The following BLNK variants were observed in gnomAD, a reference collection of about 807,000 sequenced individuals.
BLNK encodes B-cell linker protein.
Under a neutral mutation model 73.5 loss-of-function variants are expected in BLNK, and 29 were observed. The observed-to-expected ratio is 0.39, with a 90% CI of 0.29 to 0.54. BLNK has a LOEUF of 0.54. BLNK is among the 20% of genes least tolerant of loss of function. BLNK has a pLI of 0.61. For missense variants in BLNK, 460 were observed against 562.8 expected (o/e 0.82, Z 1.85); for synonymous variants, 176 against 200.8 (o/e 0.88, Z 1.04).
At chr10:96,268,976 G>A (rs1554914893) in intron 1 of BLNK, among the ~76,000 whole-genome samples, 2 of 152,162 alleles carry the variant, frequency 1.3e-5, no homozygotes, top group East Asian at 1.9e-4. Context: ...TCAGGACAGA[G>A]GACACAAATC....
intron 15 of BLNK, among the ~76,000 whole-genome samples, chr10:96,198,395 T>G (rs1318795766): frequency 3.3e-5 from 5 of 152,178 alleles, no homozygotes; most frequent in Admixed American, 6.5e-5. Context: ...AGAGAAAACT[T>G]AAATCTACGT....
chr10:96,220,963 G>C (rs1053946285), intron 6 of BLNK, among the ~76,000 whole-genome samples: 4 of 152,134 alleles, frequency 2.6e-5, no homozygotes, highest in Non-Finnish European at 5.9e-5. Context: ...CTATTACTTA[G>C]CCGGAGTCAT....
intron 11 of BLNK, among the ~76,000 whole-genome samples, chr10:96,205,465 T>C (rs1452982915): frequency 6.6e-6 from 1 of 152,214 alleles, no homozygotes; most frequent in Non-Finnish European, 1.5e-5. Flanking sequence ...CAGGGTTTCT[T>C]ACCATTCAGT....
intron 6 of BLNK, among the ~76,000 whole-genome samples, chr10:96,221,755 C>A (rs868986577): frequency 1.4e-4 from 21 of 152,356 alleles, no homozygotes; most frequent in Middle Eastern, 6.8e-3. Context: ...CAGCTGGTCT[C>A]CCCATCCTGT....
rs2133931930 is a variant in BLNK, at chr10:96,197,049, A to G, written c.1110T>C (p.Leu370=). ...AATCATGGCCAGAGCTTTTCCGAAT[A>G]AGAAATGATCCATCCTGTTTAATTT... ...LHRSNKDGSF[L]IRKSSGHDSK... The change falls in exon 16 of 17, where the codon CTT becomes CTC. Residue 370 remains leucine (L), a synonymous_variant. Coordinates refer to ENST00000224337, the MANE Select transcript of BLNK (RefSeq NM_013314.4). 2 of 1,612,734 alleles carry G rather than the reference A, an allele frequency of 1.2e-6. No homozygotes were observed. The highest frequency in any genetic ancestry group is 8.5e-7 in the Non-Finnish European group (1 of 1,179,342).
At chr10:96,224,358 C>G (rs782446292) in intron 5 of BLNK, among the ~76,000 whole-genome samples, 3 of 152,198 alleles carry the variant, frequency 2.0e-5, no homozygotes, top group African/African-American at 4.8e-5. Flanking sequence ...GGCCTAGGCT[C>G]CACCCCAGCC....
At chr10:96,243,778 G>C (rs902158524) in intron 2 of BLNK, among the ~76,000 whole-genome samples, 1 of 152,042 alleles carries the variant, frequency 6.6e-6, no homozygotes, top group East Asian at 1.9e-4. Flanking sequence ...AGTTTTGTAA[G>C]TTCTGATACC....
chr10:96,197,997 T>C (rs961681829), intron 15 of BLNK, among the ~76,000 whole-genome samples: 6 of 150,392 alleles, frequency 4.0e-5, no homozygotes, highest in Admixed American at 3.3e-4. Context: ...AATTTTTTAA[T>C]AAAAATATTT....
chr10:96,210,866 T>A (rs1485187888), intron 8 of BLNK, among the ~76,000 whole-genome samples: 1 of 143,736 alleles, frequency 7.0e-6, no homozygotes, highest in Admixed American at 6.7e-5. Context: ...CAATTCCGTT[T>A]TTTTTTTTTT....
At chr10:96,219,562 G>A (rs1233448086) in intron 6 of BLNK, among the ~76,000 whole-genome samples, 1 of 152,158 alleles carries the variant, frequency 6.6e-6, no homozygotes, top group Non-Finnish European at 1.5e-5. Context: ...GAAGCTCCAG[G>A]CCCTAACCCA....
chr10:96,214,193 GGA>G (rs1304030117), intron 8 of BLNK, among the ~76,000 whole-genome samples: 2 of 152,132 alleles, frequency 1.3e-5, no homozygotes, highest in African/African-American at 2.4e-5. Flanking sequence ...AGGGACAAGG[GGA>G]GAGAGGGAGA....
chr10:96,258,767 A>G (rs1482402337), intron 1 of BLNK, among the ~76,000 whole-genome samples: 4 of 152,214 alleles, frequency 2.6e-5, no homozygotes, highest in African/African-American at 9.6e-5. Flanking sequence ...TTTATTGAGC[A>G]TGTACTACGT....
At chr10:96,263,592 G>A (rs1052666930) in intron 1 of BLNK, among the ~76,000 whole-genome samples, 8 of 152,214 alleles carry the variant, frequency 5.3e-5, no homozygotes, top group African/African-American at 9.6e-5. Flanking sequence ...GGCTTCAGGT[G>A]TAGCTTCTGG....
chr10:96,242,719 C>G lies in BLNK; in HGVS notation c.163+16G>C. On this transcript the variant is annotated intron_variant, in intron 3 of 16. Transcript: ENST00000224337. ...ATTAGTCAAGAGTCAGTTAAAGTAT[C>G]TGAGAAATACCTTACCTGAAGCGTA... The G allele has an allele frequency of 1.2e-6, 2 of 1,609,902 alleles. No individual in the cohort carries two copies. Among genetic ancestry groups the G allele is most frequent in the Non-Finnish European group, 1.7e-6 (2 of 1,176,144 alleles).
Position 96,219,399 on chromosome 10 carries a change from G to A in BLNK, c.526-2665C>T, listed in dbSNP as rs587672769. On this transcript the variant is annotated intron_variant, in intron 6 of 16. Transcript: ENST00000224337. ...TAAGAACCCAACTTCTCTTCTAGGC[G>A]TTAGTTCCTATAAAAGGAGAGGCTG... Among the ~76,000 whole-genome samples the A allele has an allele frequency of 1.3e-4, 20 of 152,318 alleles. No individual in the cohort carries two copies. The East Asian group carries it at 1.7e-3, about 13-fold the overall frequency.
chr10:96,202,962 C>T (rs1415941903), intron 13 of BLNK, among the ~76,000 whole-genome samples: 7 of 152,198 alleles, frequency 4.6e-5, no homozygotes, highest in African/African-American at 9.7e-5. Context: ...TCCCTGCCTC[C>T]GTTACTCTCT....
chr10:96,204,619 G>C lies in BLNK; in HGVS notation c.818-3C>G. Reference sequence around the variant, plus strand: ...GCGTTCAGCAGGTATAGGTTTTTCTGGATCAGGAAAATTATCATATTAGGA... The same window carrying C: ...GCGTTCAGCAGGTATAGGTTTTTCTCGATCAGGAAAATTATCATATTAGGA... On this transcript the variant is annotated splice_polypyrimidine_tract_variant and splice_region_variant and intron_variant, in intron 11 of 16. Transcript: ENST00000224337. The C allele has an allele frequency of 6.2e-7, 1 of 1,613,816 alleles. No homozygotes were observed. The highest frequency in any genetic ancestry group is 8.5e-7 in the Non-Finnish European group (1 of 1,179,762).
chr10:96,200,009 ATC>A lies in BLNK; in HGVS notation c.1095+64_1095+65del. The A allele has an allele frequency of 1.0e-6, 1 of 1,000,778 alleles. No individual in the cohort carries two copies. Among genetic ancestry groups the A allele is most frequent in the Non-Finnish European group, 1.3e-6 (1 of 785,896 alleles). 62.0% of individuals were successfully genotyped at this position (1,000,778 alleles called of 1,614,324 possible). On this transcript the variant is annotated intron_variant, in intron 15 of 16. Coordinates refer to ENST00000224337, the MANE Select transcript of BLNK (RefSeq NM_013314.4). This position sits in a 1 kb window ranked among gnomAD's most constrained non-coding sequence, Gnocchi z 4.3. ...AGCCACTGCACTCCAGTGAAACTGC[ATC>A]ATCTCAAAACAAATAAATAAAATAA...
chr10:96,254,499 GT>G (rs113008211), intron 1 of BLNK, among the ~76,000 whole-genome samples: 6 of 146,352 alleles, frequency 4.1e-5, no homozygotes, highest in East Asian at 2.0e-4. Context: ...TCTTCAATGA[GT>G]TTTTTTTTTG....
Sources: allele counts gnomAD v4.1 joint callset (sites outside exome capture counted in the v4.1 genomes callset), GRCh38; gene constraint gnomAD v4.1.1; non-coding constraint Gnocchi (gnomAD v3.1); transcripts MANE v1.5; gene names NCBI Gene and HGNC (gene_info 2026-07-23, HGNC 2026-07-21).